The following FPR1 variants were observed in gnomAD, a reference collection of about 807,000 sequenced individuals.
FPR1 encodes the protein formyl peptide receptor 1, also known as N-formyl peptide receptor 1.
For missense variants in FPR1, 407 were observed against 453.0 expected, an observed-to-expected ratio of 0.90 and a Z score of 0.92; for synonymous variants, 193 against 176.7, an observed-to-expected ratio of 1.09 and a Z score of -0.73.
intron 1 of FPR1, among the ~76,000 whole-genome samples, chr19:51,747,485 T>C (rs939897609): frequency 6.6e-6 from 1 of 152,166 alleles, no homozygotes; most frequent in African/African-American, 2.4e-5. Context: ...CCCAAAGTGC[T>C]GGGATTACAG....
intron 1 of FPR1, among the ~76,000 whole-genome samples, chr19:51,748,703 T>G (rs1441705486): frequency 6.6e-6 from 1 of 152,146 alleles, no homozygotes; most frequent in African/African-American, 2.4e-5. Flanking sequence ...TCAGGTGATC[T>G]GCCCGCCTCG....
intron 1 of FPR1, chr19:51,750,167 G>T (rs2083771938): frequency 6.6e-6 from 1 of 152,184 alleles, no homozygotes; most frequent in South Asian, 2.1e-4. Context: ...CCACGCTACT[G>T]GCACAGAAGA....
intron 1 of FPR1, among the ~76,000 whole-genome samples, chr19:51,749,518 C>G (rs2083768423): frequency 6.6e-6 from 1 of 152,124 alleles, no homozygotes; most frequent in Admixed American, 6.6e-5. Flanking sequence ...GGGCTCAGCA[C>G]TCTTGGGGAT....
chr19:51,751,668 T>A (rs939189709), intron 1 of FPR1, 146 bp downstream of exon 1: 2 of 152,192 alleles, frequency 1.3e-5, no homozygotes, highest in Non-Finnish European at 2.9e-5. Context: ...CAAGCATGAG[T>A]CACCGTGCCC....
rs1187636648 is a variant in FPR1 at position 51,751,836 on chromosome 19, T to G, written c.-34A>C. ...TACCTGGACTGTTCACCAGCTGTGG[T>G]CTTGCTCTGGGTAGTTCTAGGTCTG... is the stretch of plus-strand genomic sequence containing the variant. On this transcript the variant is annotated 5_prime_UTR_variant, in exon 1 of 2. Coordinates refer to ENST00000304748, the MANE Select transcript of FPR1 (RefSeq NM_002029.4). The G allele has an allele frequency of 6.6e-6, 1 of 152,330 alleles. No individual in the cohort carries two copies. Among genetic ancestry groups the G allele is most frequent in the Non-Finnish European group, 1.5e-5 (1 of 68,146 alleles). The allele number at this position is 152,330 out of a possible 1,614,324, so 9.4% of individuals were successfully genotyped here.
chr19:51,747,024 G>A lies in FPR1; in HGVS notation c.-11-19C>T. 1 of 1,544,820 alleles carries A rather than the reference G, an allele frequency of 6.5e-7. No homozygotes were observed. The highest frequency in any genetic ancestry group is 1.2e-5 in the South Asian group (1 of 85,348). On this transcript the variant is annotated intron_variant, in intron 1 of 1. Transcript: ENST00000304748. ...TCTGCTCCTGAAATAGTGCAGTCGT[G>A]GTCATTCCTCAGTTATGAACCTCCG... is the stretch of plus-strand genomic sequence containing the variant.
At position 51,746,719 on chromosome 19, in the gene FPR1, A is replaced by T. The variant is rs2122323841; in HGVS notation, c.276T>A (p.Pro92=). The T allele has an allele frequency of 6.2e-7, 1 of 1,614,208 alleles. No homozygotes were observed. Among genetic ancestry groups the T allele is most frequent in the East Asian group, 2.2e-5 (1 of 44,874 alleles). The change falls in exon 2 of 2, where the codon CCT becomes CCA. Residue 92 remains proline (P), a synonymous_variant. Coordinates refer to ENST00000304748, the MANE Select transcript of FPR1 (RefSeq NM_002029.4). The surrounding 1 kb of genome is among the most constrained non-coding windows in gnomAD (Gnocchi z 4.3). The part of the protein sequence containing the change: ...MVRKAMGGHW[P]FGWFLCKFVF... ...CGAATTTGCACAGGAACCAGCCGAAAGGCCAATGTCCTCCCATGGCCTTCC... is the reference window on the plus strand; with the variant it reads ...CGAATTTGCACAGGAACCAGCCGAATGGCCAATGTCCTCCCATGGCCTTCC...
In FPR1 at chr19:51,746,922, G is replaced by A. The variant is rs1481228576; in HGVS notation, c.73C>T (p.Leu25=). 5.6e-6 allele frequency: 9 copies of A among 1,614,052 alleles called. No homozygotes were observed. Residue 25 remains leucine (L), a synonymous_variant, in exon 2 of 2, where the codon CTG becomes TTG. Coordinates refer to ENST00000304748, the MANE Select transcript of FPR1 (RefSeq NM_002029.4). This position sits in a 1 kb window ranked among gnomAD's most constrained non-coding sequence, Gnocchi z 4.3. ...AATACCAGATAAGTGATGATATCCA[G>A]GAAGAGATAGCCAGCAGATACAGCA... ...TPAVSAGYLF[L]DIITYLVFAV... is the part of the protein sequence containing the mutation.
intron 1 of FPR1, among the ~76,000 whole-genome samples, chr19:51,747,404 G>A (rs948907828): frequency 6.6e-6 from 1 of 152,068 alleles, no homozygotes; most frequent in Non-Finnish European, 1.5e-5. Context: ...ATTTAGTAGA[G>A]GTGGGGTTTT....
chr19:51,750,178 G>T (rs982229586), intron 1 of FPR1: 2 of 152,212 alleles, frequency 1.3e-5, no homozygotes, highest in Non-Finnish European at 2.9e-5. Context: ...GCACAGAAGA[G>T]CTGTCTAATG....
chr19:51,747,022 G>A lies in FPR1; in HGVS notation c.-11-17C>T, dbSNP rs375012899. 62 of 1,546,652 alleles carry A rather than the reference G, an allele frequency of 4.0e-5. No individual in the cohort carries two copies. Among genetic ancestry groups the A allele is most frequent in the African/African-American group, 1.4e-4 (10 of 73,598 alleles). ...TGTCTGCTCCTGAAATAGTGCAGTC[G>A]TGGTCATTCCTCAGTTATGAACCTC... On this transcript the variant is annotated splice_polypyrimidine_tract_variant and intron_variant, in intron 1 of 1. Coordinates refer to ENST00000304748, the MANE Select transcript of FPR1 (RefSeq NM_002029.4).
Position 51,746,896 on chromosome 19 carries a change from A to C in FPR1, c.99T>G (p.Phe33Leu). The change falls in exon 2 of 2, where the codon TTT becomes TTG. Residue 33 changes from phenylalanine (F) to leucine (L), a missense_variant. By Grantham distance (22) the Phe-to-Leu change is conservative (BLOSUM62 0). Transcript: ENST00000304748. The surrounding 1 kb of genome is among the most constrained non-coding windows in gnomAD (Gnocchi z 4.3). ...GGACCCCGAGGACAAAGGTGACTGC[A>C]AATACCAGATAAGTGATGATATCCA... ...LFLDIITYLV[F>L]AVTFVLGVLG... 6.2e-7 allele frequency: 1 copy of C among 1,614,140 alleles called. No individual in the cohort carries two copies.
At chr19:51,749,330 G>A (rs754978623) in intron 1 of FPR1, among the ~76,000 whole-genome samples, 6 of 152,134 alleles carry the variant, frequency 3.9e-5, no homozygotes, top group Non-Finnish European at 4.4e-5. Flanking sequence ...ATAGTACTTG[G>A]TTAGTTTTCC....
intron 1 of FPR1, among the ~76,000 whole-genome samples, chr19:51,750,021 G>A (rs1212346525): frequency 6.6e-6 from 1 of 152,194 alleles, no homozygotes; most frequent in Non-Finnish European, 1.5e-5. Flanking sequence ...TTGTTACTAT[G>A]AGGGTCACTG....
At chr19:51,749,431 A>T (rs542690027) in intron 1 of FPR1, among the ~76,000 whole-genome samples, 17 of 152,150 alleles carry the variant, frequency 1.1e-4, no homozygotes, top group Non-Finnish European at 1.8e-4. Context: ...AAGTCAGAAC[A>T]ACAGACTCTG....
chr19:51,746,372 A>G lies in FPR1; in HGVS notation c.623T>C (p.Ile208Thr), dbSNP rs200464393. 1.6e-5 allele frequency: 26 copies of G among 1,614,234 alleles called. No individual in the cohort carries two copies. In the Admixed American group the frequency reaches 1.7e-4, roughly 10 times the overall value. Residue 208 changes from isoleucine to threonine, a missense_variant, in exon 2 of 2, where the codon ATT becomes ACT. Transcript: ENST00000304748. The surrounding 1 kb of genome is among the most constrained non-coding windows in gnomAD (Gnocchi z 4.3). Reference protein sequence around the residue: ...LTVRGIIRFIIGFSAPMSIVA... With the variant: ...LTVRGIIRFITGFSAPMSIVA... ...GATGGACATGGGTGCGCTGAAGCCA[A>G]TGATGAACCGGATGATGCCTCTCAC...
At chr19:51,751,081 C>G (rs1034755666) in intron 1 of FPR1, among the ~76,000 whole-genome samples, 1 of 152,144 alleles carries the variant, frequency 6.6e-6, no homozygotes, top group Non-Finnish European at 1.5e-5. Context: ...AAGCTTCAAA[C>G]CAAACATCCT....
Position 51,745,972 on chromosome 19 carries a change from A to G in FPR1, c.1023T>C (p.Pro341=). The G allele has an allele frequency of 6.2e-7, 1 of 1,613,398 alleles. No homozygotes were observed. Among genetic ancestry groups the G allele is most frequent in the East Asian group, 2.2e-5 (1 of 44,842 alleles). The change falls in exon 2 of 2, where the codon CCT becomes CCC. Residue 341 remains proline (P), a synonymous_variant. Transcript: ENST00000304748. The part of the protein sequence containing the change: ...TSDTATNSTL[P]SAEVELQAK ...TTGCCTGTAACTCCACCTCTGCAGAAGGTAAAGTAGAATTGGTAGCTGTGT... is the reference window on the plus strand; with the variant it reads ...TTGCCTGTAACTCCACCTCTGCAGAGGGTAAAGTAGAATTGGTAGCTGTGT...
At chr19:51,745,460 T>C (rs1287157090), downstream of FPR1, 1 of 162,456 alleles carries the variant, frequency 6.2e-6, no homozygotes, top group African/African-American at 2.4e-5. Context: ...CTGCCCTATA[T>C]AAAGTATCTT....
Sources: allele counts gnomAD v4.1 joint callset (sites outside exome capture counted in the v4.1 genomes callset), GRCh38; gene constraint gnomAD v4.1.1; non-coding constraint Gnocchi (gnomAD v3.1); transcripts MANE v1.5; gene names NCBI Gene and HGNC (gene_info 2026-07-23, HGNC 2026-07-21).